Variants in DLG2 observed in about 807,000 individuals in gnomAD.
DLG2 encodes the protein discs large MAGUK scaffold protein 2.
A neutral mutation model predicts 132.5 loss-of-function variants in DLG2; 45 were observed. The observed-to-expected ratio is 0.34, with a 90% CI of 0.27 to 0.44. The LOEUF (loss-of-function observed/expected upper bound fraction) is 0.44. Ranked by LOEUF, DLG2 falls within the 20% of genes least tolerant of loss-of-function variation. DLG2 has a pLI of 1.00. For synonymous variants in DLG2, 424 were observed against 419.6 expected, an observed-to-expected ratio of 1.01 and a Z score of -0.13; for missense variants, 1,045 against 1,196.9, an observed-to-expected ratio of 0.87 and a Z score of 1.87.
chr11:85,140,359 T>G (rs2076387492), intron 5 of DLG2, among the ~76,000 whole-genome samples: 1 of 151,946 alleles, frequency 6.6e-6, no homozygotes, highest in African/African-American at 2.4e-5. Flanking sequence ...AGTAAACAAT[T>G]TATATGACAC....
chr11:84,453,385 G>C (rs2154481719), intron 7 of DLG2, among the ~76,000 whole-genome samples: 1 of 151,724 alleles, frequency 6.6e-6, no homozygotes, highest in South Asian at 2.1e-4. Flanking sequence ...TCTATGTAAT[G>C]GAACTGGTTA....
chr11:83,937,401 G>T (rs1054218252), intron 14 of DLG2, among the ~76,000 whole-genome samples: 3 of 151,514 alleles, frequency 2.0e-5, no homozygotes, highest in African/African-American at 7.3e-5. Context: ...CAGCTACTCG[G>T]GGAGGCTGAG....
intron 4 of DLG2, among the ~76,000 whole-genome samples, chr11:85,242,272 T>A (rs1470823981): frequency 6.6e-6 from 1 of 152,006 alleles, no homozygotes; most frequent in Non-Finnish European, 1.5e-5. Flanking sequence ...TTTTGGTTTT[T>A]TTTCCTCTGA....
chr11:83,996,729 A>G (rs2514169), intron 11 of DLG2, among the ~76,000 whole-genome samples: 24,600 of 152,086 alleles, frequency 0.16, 3,029 homozygotes, highest in African/African-American at 0.32. Flanking sequence ...AAAGACAAAC[A>G]TCTCATGTTC....
chr11:84,901,163 C>G lies in DLG2; in HGVS notation c.357+210498G>C, dbSNP rs73518921. On this transcript the variant is annotated intron_variant, in intron 6 of 27. Coordinates refer to ENST00000376104, the MANE Select transcript of DLG2 (RefSeq NM_001142699.3). ...ATGTTTTCAGCTTACTAGAAAAGAT[C>G]CCCAACAATAGCCATAATATATATT... 2.3e-3 allele frequency among the ~76,000 whole-genome samples: 346 copies of G among 152,100 alleles called. 2 individuals are homozygous for G. The highest frequency in any genetic ancestry group is 8.1e-3 in the African/African-American group (335 of 41,518).
intron 6 of DLG2, among the ~76,000 whole-genome samples, chr11:84,627,524 T>C (rs2099624824): frequency 6.6e-6 from 1 of 152,208 alleles, no homozygotes; most frequent in Non-Finnish European, 1.5e-5. Context: ...GCAGCGGAAA[T>C]TTCAGCAAAG....
chr11:84,036,293 G>A (rs1463993376), intron 11 of DLG2, among the ~76,000 whole-genome samples: 1 of 152,072 alleles, frequency 6.6e-6, no homozygotes. Flanking sequence ...AATCTTGGGA[G>A]CACATTATTG....
chr11:85,116,760 G>A (rs1197625761), intron 5 of DLG2, among the ~76,000 whole-genome samples: 4 of 151,908 alleles, frequency 2.6e-5, no homozygotes, highest in Non-Finnish European at 4.4e-5. Context: ...GCTAGACCAC[G>A]TGTGCAATAT....
At chr11:85,310,662 T>G (rs1206186965) in intron 3 of DLG2, among the ~76,000 whole-genome samples, 4 of 152,246 alleles carry the variant, frequency 2.6e-5, no homozygotes, top group Non-Finnish European at 5.9e-5. Context: ...GTAACAGGAT[T>G]AGACTAGATG....
At chr11:84,716,131 T>C (rs538877889) in intron 6 of DLG2, among the ~76,000 whole-genome samples, 8 of 152,166 alleles carry the variant, frequency 5.3e-5, no homozygotes, top group Admixed American at 4.6e-4. Flanking sequence ...TATCTCACTG[T>C]GGTTTTGATT....
chr11:83,830,919 T>C (rs549089985), intron 17 of DLG2, among the ~76,000 whole-genome samples: 1 of 152,216 alleles, frequency 6.6e-6, no homozygotes, highest in African/African-American at 2.4e-5. Context: ...CTGATTGTAA[T>C]GAAATGACAA....
intron 6 of DLG2, among the ~76,000 whole-genome samples, chr11:85,020,369 T>C (rs1360120088): frequency 1.3e-5 from 2 of 152,222 alleles, no homozygotes; most frequent in East Asian, 1.9e-4. Flanking sequence ...ATTAGCCCTT[T>C]GTCAGATGGG....
At chr11:83,652,399 C>G (rs1429984825) in intron 18 of DLG2, among the ~76,000 whole-genome samples, 1 of 152,178 alleles carries the variant, frequency 6.6e-6, no homozygotes, top group Non-Finnish European at 1.5e-5. Flanking sequence ...GAGATGGAGT[C>G]TCGCTCTGTC....
chr11:85,402,696 C>T (rs902747030), intron 3 of DLG2, among the ~76,000 whole-genome samples: 3 of 152,190 alleles, frequency 2.0e-5, no homozygotes, highest in African/African-American at 7.2e-5. Flanking sequence ...TGAACAGACA[C>T]TTCTCAAAAG....
At position 84,502,370 on chromosome 11, in the gene DLG2, CTT is replaced by C. The variant is rs1297669584; in HGVS notation, c.519+32198_519+32199del. On this transcript the variant is annotated intron_variant, in intron 7 of 27. Transcript: ENST00000376104. ...TCTTTCTTTCTTTCTTTCTTTCTTTCTTTCTTTCTTTCTTTCTTTCTTTCTTT... is the reference window on the plus strand; with the variant it reads ...TCTTTCTTTCTTTCTTTCTTTCTTTCTCTTTCTTTCTTTCTTTCTTTCTTT... Among the ~76,000 whole-genome samples, 115 of 80,058 alleles carry C rather than the reference CTT, an allele frequency of 1.4e-3. 8 individuals are homozygous for C. Among genetic ancestry groups the C allele is most frequent in the African/African-American group, 2.0e-3 (29 of 14,538 alleles). The allele number at this position is 80,058 out of a possible 152,430, so 52.5% of individuals were successfully genotyped here.
intron 18 of DLG2, among the ~76,000 whole-genome samples, chr11:83,653,345 C>T (rs1391527893): frequency 1.3e-5 from 2 of 152,108 alleles, no homozygotes; most frequent in South Asian, 2.1e-4. Flanking sequence ...ACAAATAGAC[C>T]GTCTTTCAAA....
intron 4 of DLG2, among the ~76,000 whole-genome samples, chr11:85,246,726 A>G (rs920233296): frequency 6.6e-6 from 1 of 152,090 alleles, no homozygotes; most frequent in South Asian, 2.1e-4. Flanking sequence ...TAACAACTGC[A>G]TAATTATCCT....
chr11:84,708,280 C>T (rs1041410573), intron 6 of DLG2, among the ~76,000 whole-genome samples: 1 of 151,760 alleles, frequency 6.6e-6, no homozygotes, highest in Admixed American at 6.6e-5. Flanking sequence ...CGAAGGCTTT[C>T]TATATAATAA....
chr11:85,511,292 C>A (rs1598124141), intron 3 of DLG2, among the ~76,000 whole-genome samples: 1 of 151,854 alleles, frequency 6.6e-6, no homozygotes, highest in African/African-American at 2.4e-5. Flanking sequence ...TTAATGGGTG[C>A]AGCATACCAA....
Sources: gnomAD v4.1 joint callset for allele counts (sites outside exome capture counted in the v4.1 genomes callset) on GRCh38, gnomAD v4.1.1 for gene constraint, MANE v1.5 for transcripts, NCBI Gene and HGNC (gene_info 2026-07-23, HGNC 2026-07-21) for gene names.